ARHGAP22: variants seen among roughly 807,000 people sequenced by gnomAD.
ARHGAP22 encodes rho GTPase-activating protein 22.
Under a neutral mutation model 59.1 loss-of-function variants are expected in ARHGAP22, and 48 were observed. That is an observed-to-expected ratio of 0.81 (90% CI 0.64 to 1.03). ARHGAP22 has a LOEUF of 1.03. ARHGAP22 is among the 50% of genes least tolerant of loss of function. The pLI is 0.00. For synonymous variants in ARHGAP22, 445 were observed against 416.4 expected, an observed-to-expected ratio of 1.07 and a Z score of -0.84; for missense variants, 1,015 against 958.7, an observed-to-expected ratio of 1.06 and a Z score of -0.78.
intron 5 of ARHGAP22, among the ~76,000 whole-genome samples, chr10:48,456,470 T>C (rs2046521391): frequency 6.6e-6 from 1 of 152,064 alleles, no homozygotes; most frequent in Admixed American, 6.5e-5. Flanking sequence ...CTCGGCCTTC[T>C]CCCGGGCCAT....
In ARHGAP22 at chr10:48,453,395, A is replaced by G. The variant is rs563048277; in HGVS notation, c.897T>C (p.Asn299=). The change falls in exon 8 of 10, where the codon AAT becomes AAC. Residue 299 remains asparagine (N), a synonymous_variant. Transcript: ENST00000249601. ...KFLDEVQAYS[N]VNKMSVQNLA... ...GATTCTGGACACTCATCTTGTTGACATTTGAGTATGCCTGAACTTCATCCA... is the reference window on the plus strand; with the variant it reads ...GATTCTGGACACTCATCTTGTTGACGTTTGAGTATGCCTGAACTTCATCCA... 1 of 1,614,012 alleles carries G rather than the reference A, an allele frequency of 6.2e-7. No homozygotes were observed. The highest frequency in any genetic ancestry group is 8.5e-7 in the Non-Finnish European group (1 of 1,179,966).
At chr10:48,499,290 C>T (rs990792796) in intron 3 of ARHGAP22, among the ~76,000 whole-genome samples, 3 of 152,242 alleles carry the variant, frequency 2.0e-5, no homozygotes, top group South Asian at 2.1e-4. Flanking sequence ...AGCCACAGGC[C>T]GCCCACATAG....
chr10:48,608,687 C>G (rs1382285060), upstream of ARHGAP22, among the ~76,000 whole-genome samples: 1 of 152,192 alleles, frequency 6.6e-6, no homozygotes, highest in Non-Finnish European at 1.5e-5. Context: ...AGCTCCCACC[C>G]TCATACTTTG....
At chr10:48,627,253 A>T (rs372998360) in intron 1 of ARHGAP22, among the ~76,000 whole-genome samples, 228 of 152,280 alleles carry the variant, frequency 1.5e-3, no homozygotes, top group African/African-American at 5.1e-3. Context: ...TGAATTATCA[A>T]ACCTGAGGAG....
chr10:48,431,323 A>G, the ARHGAP22 span: 15 of 1,216,614 alleles, frequency 1.2e-5, no homozygotes, highest in Admixed American at 7.7e-5. Flanking sequence ...TTGTGTTGTA[A>G]TCTTCAGTGG....
chr10:48,654,806 CTTTCTTTCTTTCTTTCTTT>C (rs1565068675), upstream of ARHGAP22, among the ~76,000 whole-genome samples: 1,915 of 131,310 alleles, frequency 0.015, 22 homozygotes, highest in Non-Finnish European at 0.016. Flanking sequence ...TTCTTTCTTT[CTTTCTTTCTTTCTTTCTTT>C]CTTCCTTCCT....
At chr10:48,537,537 T>C (rs1254032709) in intron 3 of ARHGAP22, among the ~76,000 whole-genome samples, 1 of 152,202 alleles carries the variant, frequency 6.6e-6, no homozygotes, top group East Asian at 1.9e-4. Context: ...GAGGTTCTCA[T>C]GTTTATTGAG....
At position 48,459,367 on chromosome 10, in the gene ARHGAP22, T is replaced by A. The variant is rs372347752; in HGVS notation, c.659+317A>T. Among the ~76,000 whole-genome samples, 153 of 152,166 alleles carry A rather than the reference T, an allele frequency of 1.0e-3. 1 individual carries two copies. The highest frequency in any genetic ancestry group is 3.4e-3 in the African/African-American group (142 of 41,526). ...CCCCGCAGAAGGCCTGGGGTCCGGA[T>A]GCAGCTGCGCCTGGTCAGTCCTCAC... On this transcript the variant is annotated intron_variant, in intron 5 of 9. Transcript: ENST00000249601.
rs560640173 is a variant in ARHGAP22 at position 48,647,586 on chromosome 10, T to C, written c.52+4648A>G. Among the ~76,000 whole-genome samples the C allele has an allele frequency of 6.5e-3, 396 of 60,686 alleles. 3 individuals are homozygous for C. Among genetic ancestry groups the C allele is most frequent in the Non-Finnish European group, 0.017 (333 of 19,820 alleles). The allele number at this position is 60,686 out of a possible 152,430, so 39.8% of individuals were successfully genotyped here. ...ATGTGGAAACATTGGGACCCTTATG[T>C]ATGAGGTGGGATTGTATGACGGTGG... On this transcript the variant is annotated intron_variant, in intron 1 of 9. Coordinates refer to the ARHGAP22 transcript ENST00000435790.
chr10:48,639,861 A>G (rs192228452), intron 1 of ARHGAP22, among the ~76,000 whole-genome samples: 7 of 152,356 alleles, frequency 4.6e-5, no homozygotes, highest in Admixed American at 1.3e-4. Flanking sequence ...AAAAAAGTCA[A>G]TTGAAACTGT....
At chr10:48,607,738 C>T (rs1353144855), upstream of ARHGAP22, among the ~76,000 whole-genome samples, 1 of 152,256 alleles carries the variant, frequency 6.6e-6, no homozygotes, top group Admixed American at 6.5e-5. Flanking sequence ...TTCTCCACTG[C>T]CCTGTGCCTG....
intron 3 of ARHGAP22, among the ~76,000 whole-genome samples, chr10:48,495,064 G>A (rs1439184083): frequency 6.6e-6 from 1 of 152,234 alleles, no homozygotes; most frequent in Non-Finnish European, 1.5e-5. Context: ...TGATTGGAAA[G>A]CAGCTTGTTT....
rs775463302 is a variant in ARHGAP22 at position 48,458,685 on chromosome 10, C to T, written c.659+999G>A. On this transcript the variant is annotated intron_variant, in intron 5 of 9. Transcript: ENST00000249601. ...TATTTGAAGCAATCTGCAACCCTAA[C>T]GCTGAGACACAGGATGGAAGAGGCC... Among the ~76,000 whole-genome samples the T allele has an allele frequency of 2.0e-4, 30 of 152,160 alleles. 1 individual carries two copies. The highest frequency in any genetic ancestry group is 1.3e-4 in the Admixed American group (2 of 15,292).
chr10:48,621,191 T>C (rs2061274416), intron 1 of ARHGAP22, among the ~76,000 whole-genome samples: 1 of 152,224 alleles, frequency 6.6e-6, no homozygotes, highest in Non-Finnish European at 1.5e-5. Context: ...GTAAGTTATC[T>C]TTTTAAAGGC....
intron 2 of ARHGAP22, among the ~76,000 whole-genome samples, chr10:48,563,970 A>G (rs958549984): frequency 6.6e-6 from 1 of 152,218 alleles, no homozygotes; most frequent in Non-Finnish European, 1.5e-5. Flanking sequence ...AGAAATACAA[A>G]TGGTCAATAA....
At chr10:48,479,515 G>T in intron 4 of ARHGAP22, 121 bp downstream of exon 4, 1 of 1,565,164 alleles carries the variant, frequency 6.4e-7, no homozygotes. Context: ...GCTGTGAGAA[G>T]CACAGGATGC....
intron 1 of ARHGAP22, among the ~76,000 whole-genome samples, chr10:48,633,826 G>A (rs1211522762): frequency 2.0e-5 from 3 of 152,212 alleles, no homozygotes; most frequent in African/African-American, 7.2e-5. Flanking sequence ...ACGGGGCTAA[G>A]AGGAGGAGGG....
At chr10:48,458,718 C>T (rs990700500) in intron 5 of ARHGAP22, among the ~76,000 whole-genome samples, 11 of 152,308 alleles carry the variant, frequency 7.2e-5, no homozygotes, top group Non-Finnish European at 1.5e-4. Context: ...GCCTGGCTGG[C>T]TGAGGTTCAG....
chr10:48,549,730 G>T (rs1420920855), intron 3 of ARHGAP22, among the ~76,000 whole-genome samples: 2 of 152,044 alleles, frequency 1.3e-5, no homozygotes, highest in Non-Finnish European at 2.9e-5. Context: ...TTATAGCTTT[G>T]CCTGCCCCCA....
Sources: allele counts gnomAD v4.1 joint callset (sites outside exome capture counted in the v4.1 genomes callset), GRCh38; gene constraint gnomAD v4.1.1; transcripts MANE v1.5; gene names NCBI Gene and HGNC (gene_info 2026-07-23, HGNC 2026-07-21).